The following SNX19 variants were observed in gnomAD, a reference collection of about 807,000 sequenced individuals.
SNX19 encodes sorting nexin 19.
In SNX19, 60 loss-of-function variants were observed where a neutral mutation model predicts 85.2. That is an observed-to-expected ratio of 0.70 (90% CI 0.57 to 0.87). The LOEUF (loss-of-function observed/expected upper bound fraction) is 0.87, where lower values mean the gene tolerates loss of function less well. SNX19 is among the 40% of genes least tolerant of loss of function. SNX19 has a pLI of 0.00. For missense variants in SNX19, 1,201 were observed against 1,217.8 expected (o/e 0.99, Z 0.21); for synonymous variants, 520 against 470.0 (o/e 1.11, Z -1.38).
In SNX19 at chr11:130,868,306, C is replaced by CGGA. The variant is rs1565490010; in HGVS notation, c.*10113_*10115dup. On this transcript the variant is annotated 3_prime_UTR_variant, in exon 11 of 11. Transcript: ENST00000265909. ...ATTATACACACAAAACGGGTGGGTGCGGAGCCCTTTCACCAGGAACTGGGT... is the reference window on the plus strand; with the variant it reads ...ATTATACACACAAAACGGGTGGGTGCGGAGGAGCCCTTTCACCAGGAACTGGGT... 6.6e-6 allele frequency: 1 copy of CGGA among 152,088 alleles called. No homozygotes were observed. The highest frequency in any genetic ancestry group is 2.4e-5 in the African/African-American group (1 of 41,418). 9.4% of individuals were successfully genotyped at this position (152,088 alleles called of 1,614,324 possible).
chr11:130,909,954 T>C lies in SNX19; in HGVS notation c.2034+64A>G. The C allele has an allele frequency of 2.5e-6, 4 of 1,602,468 alleles. No homozygotes were observed. In the Admixed American group the frequency reaches 5.1e-5, roughly 20 times the overall value. ...TCTTATTTTTCAAGGACTGCCTCCA[T>C]TCTGATGAATCCTCCCCATTTATAG... On this transcript the variant is annotated intron_variant, in intron 4 of 10. Transcript: ENST00000265909.
intron 7 of SNX19, chr11:130,905,745 G>A: frequency 1.3e-6 from 2 of 1,536,818 alleles, no homozygotes; most frequent in Non-Finnish European, 8.7e-7. Context: ...CTGTGTTTGT[G>A]CCCTGTTCTG....
chr11:130,911,557 C>T (rs886372792), intron 2 of SNX19, 76 bp downstream of exon 2: 1 of 1,597,430 alleles, frequency 6.3e-7, no homozygotes, highest in South Asian at 1.1e-5. Flanking sequence ...CCGATCCCTC[C>T]CATAAACCAA....
intron 4 of SNX19, 63 bp from the exon 5 acceptor site, chr11:130,908,146 G>A: frequency 1.3e-6 from 2 of 1,581,036 alleles, no homozygotes; most frequent in African/African-American, 1.3e-5. Flanking sequence ...CGCCAAGCAA[G>A]CAGTCGCCTC....
intron 8 of SNX19, among the ~76,000 whole-genome samples, chr11:130,891,142 T>C (rs781095313): frequency 5.8e-4 from 89 of 152,198 alleles, no homozygotes; most frequent in Non-Finnish European, 1.1e-3. Flanking sequence ...TCATGGACAA[T>C]ATAAAAATCC....
intron 10 of SNX19, among the ~76,000 whole-genome samples, chr11:130,879,325 T>A (rs1349812549): frequency 6.6e-6 from 1 of 152,116 alleles, no homozygotes; most frequent in Admixed American, 6.5e-5. Flanking sequence ...GCCTGGAGGA[T>A]AAGAGGTCAT....
In SNX19 at chr11:130,874,413, T is replaced by C. The variant is rs1312220335; in HGVS notation, c.*4009A>G. On this transcript the variant is annotated 3_prime_UTR_variant, in exon 11 of 11. Coordinates refer to ENST00000265909, the MANE Select transcript of SNX19 (RefSeq NM_014758.3). The stretch of plus-strand genomic sequence containing the variant: ...AGATGCTCCTGTTCTTTTATGAATG[T>C]TATCTCTGGGTGTGATGCCTGAAAC... Among the ~76,000 whole-genome samples the C allele has an allele frequency of 6.6e-6, 1 of 152,196 alleles. No individual in the cohort carries two copies. The highest frequency in any genetic ancestry group is 1.5e-5 in the Non-Finnish European group (1 of 68,046).
At position 130,915,219 on chromosome 11, in the gene SNX19, G is replaced by C. The variant is rs1321976548; in HGVS notation, c.721C>G (p.Leu241Val). ...GGTAAGATTACATTGCATGTGATGA[G>C]TTCGACCACTACATGGCGTCCGGTA... ...TRTGRHVVVELITCNVILPLI... is the reference protein window; with the variant it reads ...TRTGRHVVVEVITCNVILPLI... Residue 241 changes from leucine to valine, a missense_variant, in exon 1 of 11, where the codon CTC (leucine) becomes GTC (valine). Physicochemically the swap from Leu to Val is conservative, Grantham distance 32. Coordinates refer to ENST00000265909, the MANE Select transcript of SNX19 (RefSeq NM_014758.3). The C allele has an allele frequency of 4.3e-6, 7 of 1,614,130 alleles. No individual in the cohort carries two copies. In the African/African-American group the frequency reaches 8.0e-5, roughly 18 times the overall value.
rs187253194 is a variant in SNX19 at position 130,905,523 on chromosome 11, C to T, written c.2443+430G>A. 11 of 601,480 alleles carry T rather than the reference C, an allele frequency of 1.8e-5. No homozygotes were observed. In the Admixed American group the frequency reaches 2.9e-4, roughly 16 times the overall value. The allele number at this position is 601,480 out of a possible 1,614,324, so 37.3% of individuals were successfully genotyped here. On this transcript the variant is annotated intron_variant, in intron 7 of 10. Coordinates refer to ENST00000265909, the MANE Select transcript of SNX19 (RefSeq NM_014758.3). ...GAGTGTGTAGAATAAGGACAGCGAG[C>T]CAAAAATCAAGCTCTGGCAGGTGGA...
rs991999536 is a variant in SNX19, at chr11:130,875,377, A to G, written c.*3045T>C. On this transcript the variant is annotated 3_prime_UTR_variant, in exon 11 of 11. Transcript: ENST00000265909. ...AGGGGAAACGAGGAGTGGCTGTTCA[A>G]TGGGTATAAACTTTTGGTTATGCAA... is the stretch of plus-strand genomic sequence containing the variant. 6.6e-6 allele frequency: 1 copy of G among 152,232 alleles called. No homozygotes were observed. Among genetic ancestry groups the G allele is most frequent in the Non-Finnish European group, 1.5e-5 (1 of 68,068 alleles). The allele number at this position is 152,232 out of a possible 1,614,324, so 9.4% of individuals were successfully genotyped here.
In SNX19 at chr11:130,906,142, TAGTC is replaced by T. The variant is rs749665148; in HGVS notation, c.2263-13_2263-10del. 1.9e-6 allele frequency: 3 copies of T among 1,612,114 alleles called. No homozygotes were observed. The highest frequency in any genetic ancestry group is 1.7e-5 in the Admixed American group (1 of 59,868). On this transcript the variant is annotated splice_polypyrimidine_tract_variant and intron_variant, in intron 6 of 10. Transcript: ENST00000265909. ...GATAGAGTCTCAGACTCCTAAGAAA[TAGTC>T]AGTGGCATATCACATATGGAATGCT...
rs1232516613 is a variant in SNX19, at chr11:130,875,849, T to A, written c.*2573A>T. The stretch of plus-strand genomic sequence containing the variant: ...CCTAGAACTTAATGTATAATAATAA[T>A]AAAAATAAAATTTATACATGCTCCT... On this transcript the variant is annotated 3_prime_UTR_variant, in exon 11 of 11. Coordinates refer to ENST00000265909, the MANE Select transcript of SNX19 (RefSeq NM_014758.3). 1 of 152,170 alleles carries A rather than the reference T, an allele frequency of 6.6e-6. No individual in the cohort carries two copies. Among genetic ancestry groups the A allele is most frequent in the Non-Finnish European group, 1.5e-5 (1 of 68,030 alleles). The allele number at this position is 152,170 out of a possible 1,614,324, so 9.4% of individuals were successfully genotyped here. A position where few individuals can be genotyped will look rare whatever the true frequency, so the allele number is the denominator to read the frequency against.
intron 1 of SNX19, among the ~76,000 whole-genome samples, chr11:130,912,382 A>C (rs1030221961): frequency 6.6e-6 from 1 of 152,232 alleles, no homozygotes; most frequent in Non-Finnish European, 1.5e-5. Flanking sequence ...GTCAAAGTCC[A>C]CTGTCTTCCT....
In SNX19 at chr11:130,868,374, G is replaced by A. The variant is rs1410518382; in HGVS notation, c.*10048C>T. On this transcript the variant is annotated 3_prime_UTR_variant, in exon 11 of 11. Coordinates refer to ENST00000265909, the MANE Select transcript of SNX19 (RefSeq NM_014758.3). Reference sequence around the variant, plus strand: ...GAAAAAAAAGCAACACCCTTCTTGAGCCCGTAATTTATCAGATTTTTTTTC... The same window carrying A: ...GAAAAAAAAGCAACACCCTTCTTGAACCCGTAATTTATCAGATTTTTTTTC... 2.0e-5 allele frequency: 3 copies of A among 152,148 alleles called. No homozygotes were observed. Among genetic ancestry groups the A allele is most frequent in the South Asian group, 2.1e-4 (1 of 4,822 alleles). 9.4% of individuals were successfully genotyped at this position (152,148 alleles called of 1,614,324 possible).
intron 8 of SNX19, chr11:130,894,747 G>T: frequency 5.1e-6 from 5 of 985,410 alleles, no homozygotes; most frequent in Non-Finnish European, 6.0e-6. Flanking sequence ...TTATTTGAAA[G>T]TAGAATGCCC....
intron 2 of SNX19, among the ~76,000 whole-genome samples, 188 bp from the exon 3 acceptor site, chr11:130,910,558 G>A (rs1047409812): frequency 2.0e-5 from 3 of 152,000 alleles, no homozygotes; most frequent in Admixed American, 6.6e-5. Context: ...TACAAGAGAG[G>A]GCTCTGAAGT....
At chr11:130,900,476 G>A (rs899743983) in intron 8 of SNX19, among the ~76,000 whole-genome samples, 3 of 152,036 alleles carry the variant, frequency 2.0e-5, no homozygotes, top group African/African-American at 7.3e-5. Flanking sequence ...GATCTCCCAG[G>A]GCCCCGGCCA....
chr11:130,902,333 C>T (rs1454960551), intron 8 of SNX19, among the ~76,000 whole-genome samples: 3 of 152,212 alleles, frequency 2.0e-5, no homozygotes, highest in South Asian at 2.1e-4. Flanking sequence ...TATTAAACCT[C>T]CTTGATCCTA....
intron 8 of SNX19, among the ~76,000 whole-genome samples, chr11:130,894,195 CAGA>C (rs1439154769): frequency 6.6e-6 from 1 of 152,148 alleles, no homozygotes; most frequent in Non-Finnish European, 1.5e-5. Flanking sequence ...GTAGTTTATA[CAGA>C]ATATTAACAA....
Sources: gnomAD v4.1 joint callset for allele counts (sites outside exome capture counted in the v4.1 genomes callset) on GRCh38, gnomAD v4.1.1 for gene constraint, MANE v1.5 for transcripts, NCBI Gene and HGNC (gene_info 2026-07-23, HGNC 2026-07-21) for gene names.